The following HOOK3 variants were observed in gnomAD, a reference collection of about 807,000 sequenced individuals.
The protein encoded by HOOK3 is protein Hook homolog 3.
HOOK3 carries 24 observed loss-of-function variants against 116.3 expected under a neutral mutation model. The observed-to-expected ratio is 0.21, with a 90% CI of 0.15 to 0.29. HOOK3 has a LOEUF of 0.29. HOOK3 is among the 10% of genes least tolerant of loss of function. The probability of loss-of-function intolerance (pLI) is 1.00; values close to 1 mark genes in which losing one functional copy is unlikely to be tolerated. For missense variants in HOOK3, 632 were observed against 830.2 expected (o/e 0.76, Z 2.93); for synonymous variants, 275 against 283.0 (o/e 0.97, Z 0.28).
intron 13 of HOOK3, among the ~76,000 whole-genome samples, chr8:42,981,607 G>C (rs1311549644): frequency 6.6e-6 from 1 of 152,174 alleles, no homozygotes; most frequent in Non-Finnish European, 1.5e-5. Context: ...AAGGTGGCCA[G>C]GTGTGGTGGC....
chr8:42,939,623 G>A (rs1348687373), intron 4 of HOOK3, among the ~76,000 whole-genome samples: 7 of 147,434 alleles, frequency 4.7e-5, no homozygotes, highest in African/African-American at 1.0e-4. Flanking sequence ...GCGGGGGGCT[G>A]ACCCCCCCAC....
Position 42,998,589 on chromosome 8 carries a change from A to G in HOOK3, c.1620+952A>G, listed in dbSNP as rs1378239326. Among the ~76,000 whole-genome samples the G allele has an allele frequency of 2.0e-5, 3 of 152,156 alleles. No individual in the cohort carries two copies. The East Asian group carries it at 5.8e-4, about 29-fold the overall frequency. ...AGGAACCGAAGAAAGGGAGTTAAGT[A>G]TGTTACTTAAAACTTGTGAATACTA... On this transcript the variant is annotated intron_variant, in intron 16 of 21. Transcript: ENST00000307602.
chr8:42,981,215 C>A (rs1808935421), intron 13 of HOOK3, among the ~76,000 whole-genome samples: 1 of 151,702 alleles, frequency 6.6e-6, no homozygotes, highest in African/African-American at 2.4e-5. Flanking sequence ...CCATGCCTGG[C>A]TAATTTTTTG....
At chr8:42,941,291 G>A (rs530177956) in intron 4 of HOOK3, among the ~76,000 whole-genome samples, 98 of 148,904 alleles carry the variant, frequency 6.6e-4, no homozygotes, top group African/African-American at 2.0e-3. Context: ...CGAGGCGGGC[G>A]GATCACGAGG....
intron 4 of HOOK3, among the ~76,000 whole-genome samples, chr8:42,940,306 C>G (rs1808083716): frequency 6.6e-6 from 1 of 152,242 alleles, no homozygotes; most frequent in South Asian, 2.1e-4. Flanking sequence ...ACAGCGAAAC[C>G]CCGTCTCCAC....
intron 16 of HOOK3, chr8:43,000,419 C>A: frequency 2.4e-6 from 1 of 421,018 alleles, no homozygotes; most frequent in Non-Finnish European, 4.4e-6. Flanking sequence ...AGGTTTAAGA[C>A]CTTTACAATT....
At chr8:42,956,660 C>T (rs10453137) in intron 6 of HOOK3, among the ~76,000 whole-genome samples, 7,196 of 152,298 alleles carry the variant, frequency 0.047, 343 homozygotes, top group African/African-American at 0.12. Context: ...TCTCGGCTCA[C>T]TGCAACCTCC....
In HOOK3 at chr8:43,020,101, T is replaced by C. The variant is rs1809795824; in HGVS notation, c.*1603T>C. ...ATAAGAAAGATGACCTAAAAATCAG[T>C]GGTATTTGTTTGTCCTCAGAAGCCG... On this transcript the variant is annotated 3_prime_UTR_variant, in exon 22 of 22. Coordinates refer to ENST00000307602, the MANE Select transcript of HOOK3 (RefSeq NM_032410.4). 1 of 198,654 alleles carries C rather than the reference T, an allele frequency of 5.0e-6. No individual in the cohort carries two copies. The highest frequency in any genetic ancestry group is 1.0e-5 in the Non-Finnish European group (1 of 96,234). The allele number at this position is 198,654 out of a possible 1,614,324, so 12.3% of individuals were successfully genotyped here. A position where few individuals can be genotyped will look rare whatever the true frequency, so the allele number is the denominator to read the frequency against.
At chr8:42,971,243 A>G (rs1808721352) in intron 11 of HOOK3, among the ~76,000 whole-genome samples, 1 of 152,026 alleles carries the variant, frequency 6.6e-6, no homozygotes, top group Admixed American at 6.6e-5. Context: ...AGATTGCTAT[A>G]TGTTGTGTGT....
rs1339548643 is a variant in HOOK3, at chr8:43,025,985, T to TA, written c.*7488dup. The TA allele has an allele frequency of 4.8e-6, 1 of 209,774 alleles. No individual in the cohort carries two copies. The highest frequency in any genetic ancestry group is 9.7e-6 in the Non-Finnish European group (1 of 103,370). 13.0% of individuals were successfully genotyped at this position (209,774 alleles called of 1,614,324 possible). A position where few individuals can be genotyped will look rare whatever the true frequency, so the allele number is the denominator to read the frequency against. On this transcript the variant is annotated 3_prime_UTR_variant, in exon 22 of 22. Coordinates refer to ENST00000307602, the MANE Select transcript of HOOK3 (RefSeq NM_032410.4). ...CTATCAAATCCGAATTATATCTACT[T>TA]AGAGCTTAGAGGAAGAATTAGGTAT...
Position 42,968,046 on chromosome 8 carries a change from T to C in HOOK3, c.954T>C (p.Gly318=), listed in dbSNP as rs1646691539. ...CTGATAAAGTATCTAAACTAGAAGG[T>C]CAAGTAGAATCTTATAAAAAGAAGC... ...HSSDKVSKLE[G]QVESYKKKLE... The change falls in exon 11 of 22, where the codon GGT becomes GGC. Residue 318 remains glycine, a synonymous_variant. Transcript: ENST00000307602. 3.1e-6 allele frequency: 5 copies of C among 1,602,438 alleles called. No homozygotes were observed. In the Admixed American group the frequency reaches 6.7e-5, roughly 21 times the overall value.
chr8:42,984,254 G>C (rs2130448840), intron 14 of HOOK3, among the ~76,000 whole-genome samples: 1 of 151,978 alleles, frequency 6.6e-6, no homozygotes, highest in Admixed American at 6.6e-5. Flanking sequence ...GGTAATCCCA[G>C]CTACTCGGGA....
Position 42,943,369 on chromosome 8 carries a change from G to A in HOOK3, c.324G>A (p.Glu108=). 1 of 1,567,112 alleles carries A rather than the reference G, an allele frequency of 6.4e-7. No individual in the cohort carries two copies. Among genetic ancestry groups the A allele is most frequent in the Non-Finnish European group, 8.7e-7 (1 of 1,154,858 alleles). Reference sequence around the variant, plus strand: ...TTCCTGATGTGAACCTTATTGGGGAGCATTCTGATGCAGCAGAGCTTGGAA... The same window carrying A: ...TTCCTGATGTGAACCTTATTGGGGAACATTCTGATGCAGCAGAGCTTGGAA... ...FTLPDVNLIG[E]HSDAAELGRM... The change falls in exon 5 of 22, where the codon GAG becomes GAA. Residue 108 remains glutamate (E), a synonymous_variant. Coordinates refer to ENST00000307602, the MANE Select transcript of HOOK3 (RefSeq NM_032410.4).
intron 4 of HOOK3, among the ~76,000 whole-genome samples, chr8:42,939,405 CT>C (rs1392377388): frequency 6.8e-5 from 10 of 146,328 alleles, no homozygotes; most frequent in East Asian, 2.1e-4. Flanking sequence ...GCTGACCCCC[CT>C]ACCTCCCTCC....
chr8:42,944,179 C>T (rs1438242080), intron 5 of HOOK3, among the ~76,000 whole-genome samples: 1 of 148,860 alleles, frequency 6.7e-6, no homozygotes, highest in Non-Finnish European at 1.5e-5. Flanking sequence ...CTTTGGGAGG[C>T]CACGGTGGGC....
intron 9 of HOOK3, among the ~76,000 whole-genome samples, chr8:42,965,393 A>C (rs1469882577): frequency 6.6e-6 from 1 of 152,190 alleles, no homozygotes; most frequent in Non-Finnish European, 1.5e-5. Flanking sequence ...GCTGATTTAA[A>C]AGGACAGGCG....
At chr8:42,965,702 A>G (rs1008115810) in intron 9 of HOOK3, among the ~76,000 whole-genome samples, 1 of 152,230 alleles carries the variant, frequency 6.6e-6, no homozygotes, top group Non-Finnish European at 1.5e-5. Context: ...GTGTGGTAAC[A>G]TAACTATTCT....
At chr8:42,929,512 A>G (rs1807834923) in intron 3 of HOOK3, among the ~76,000 whole-genome samples, 1 of 152,196 alleles carries the variant, frequency 6.6e-6, no homozygotes. Context: ...TGGGTCAAAC[A>G]GAAAGAAAAA....
chr8:43,000,942 G>A (rs1404940736), intron 16 of HOOK3: 2 of 152,074 alleles, frequency 1.3e-5, no homozygotes, highest in Non-Finnish European at 2.9e-5. Flanking sequence ...TTACCCCTGT[G>A]CTAAAGAAGG....
Sources: gnomAD v4.1 joint callset for allele counts (sites outside exome capture counted in the v4.1 genomes callset) on GRCh38, gnomAD v4.1.1 for gene constraint, MANE v1.5 for transcripts, NCBI Gene and HGNC (gene_info 2026-07-23, HGNC 2026-07-21) for gene names.